The following AIDA variants were observed in gnomAD, a reference collection of about 807,000 sequenced individuals.
AIDA encodes axin interactor, dorsalization associated.
A neutral mutation model predicts 42.7 loss-of-function variants in AIDA; 18 were observed. The ratio of observed to expected loss-of-function variants is 0.42; its 90% CI spans 0.29 to 0.63. The LOEUF (loss-of-function observed/expected upper bound fraction) is 0.63. Among genes scored for constraint, AIDA ranks in the 20% least tolerant of loss-of-function variants. The probability of loss-of-function intolerance (pLI) is 0.19; values close to 1 mark genes in which losing one functional copy is unlikely to be tolerated. For missense variants in AIDA, 250 were observed against 354.1 expected (o/e 0.71, Z 2.36); for synonymous variants, 104 against 122.9 (o/e 0.85, Z 1.02).
intron 2 of AIDA, among the ~76,000 whole-genome samples, chr1:222,696,002 C>T (rs1655510731): frequency 6.6e-6 from 1 of 152,130 alleles, no homozygotes; most frequent in African/African-American, 2.4e-5. Context: ...CAACAACTCA[C>T]AAAATAAACC....
intron 6 of AIDA, among the ~76,000 whole-genome samples, chr1:222,679,176 A>G (rs190196660): frequency 3.3e-5 from 5 of 152,332 alleles, no homozygotes; most frequent in African/African-American, 1.2e-4. Flanking sequence ...ATACCACACC[A>G]TTCCAGGGTT....
At chr1:222,676,255 A>G (rs570163610) in intron 6 of AIDA, 37 bp from the exon 7 acceptor site, 4 of 1,578,212 alleles carry the variant, frequency 2.5e-6, no homozygotes, top group East Asian at 4.6e-5. Flanking sequence ...GCTCCATATC[A>G]TTTCACAGTA....
chr1:222,672,268 A>T (rs1664463203), intron 8 of AIDA, among the ~76,000 whole-genome samples: 1 of 152,208 alleles, frequency 6.6e-6, no homozygotes, highest in Non-Finnish European at 1.5e-5. Flanking sequence ...TTAGCCCATG[A>T]AACACTCCAC....
At position 222,712,228 on chromosome 1, in the gene AIDA, C is replaced by T. The variant is rs1428796276; in HGVS notation, c.90G>A (p.Glu30=). The T allele has an allele frequency of 3.1e-6, 5 of 1,602,432 alleles. No individual in the cohort carries two copies. Among genetic ancestry groups the T allele is most frequent in the Admixed American group, 1.7e-5 (1 of 59,216 alleles). ...ADFDSWGQLV[E]AIDEYQILAR... ...CTCACATCTGATACTCGTCTATCGC[C>T]TCCACCAGCTGGCCCCAAGAGTCGA... Residue 30 remains glutamate (E), a synonymous_variant, in exon 1 of 10, where the codon GAG becomes GAA. Transcript: ENST00000340020.
chr1:222,700,286 G>A (rs1028812917), intron 2 of AIDA, among the ~76,000 whole-genome samples: 8 of 152,144 alleles, frequency 5.3e-5, no homozygotes, highest in African/African-American at 1.4e-4. Flanking sequence ...TCAAAGTAGA[G>A]GACATGAGAA....
chr1:222,692,064 T>C (rs1655387932), intron 4 of AIDA, among the ~76,000 whole-genome samples: 3 of 152,226 alleles, frequency 2.0e-5, no homozygotes, highest in African/African-American at 2.4e-5. Context: ...TTCTGTAGGA[T>C]AGGTTTCCAT....
chr1:222,696,273 G>A (rs1183913323), intron 2 of AIDA, among the ~76,000 whole-genome samples: 1 of 152,142 alleles, frequency 6.6e-6, no homozygotes, highest in Admixed American at 6.6e-5. Flanking sequence ...TTTCTACGTA[G>A]AATCCAATAT....
At chr1:222,682,224 C>G (rs552600210) in intron 6 of AIDA, among the ~76,000 whole-genome samples, 4 of 151,994 alleles carry the variant, frequency 2.6e-5, no homozygotes, top group African/African-American at 4.8e-5. Flanking sequence ...GAAAATTTTT[C>G]TTTTGGTCCA....
In AIDA at chr1:222,669,723, G is replaced by A. The variant is rs1305775086; in HGVS notation, c.*170C>T. On this transcript the variant is annotated 3_prime_UTR_variant, in exon 10 of 10. Coordinates refer to ENST00000340020, the MANE Select transcript of AIDA (RefSeq NM_022831.4). ...AAGGAGTCCTATACGTCAGTGTGAT[G>A]TGCTGGACTCTGAATTCTGTGGTAC... is the stretch of plus-strand genomic sequence containing the variant. The A allele has an allele frequency of 1.1e-5, 9 of 791,438 alleles. No homozygotes were observed. Among genetic ancestry groups the A allele is most frequent in the South Asian group, 3.9e-5 (2 of 50,996 alleles). 49.0% of individuals were successfully genotyped at this position (791,438 alleles called of 1,614,324 possible).
intron 1 of AIDA, among the ~76,000 whole-genome samples, chr1:222,707,615 G>C (rs866802951): frequency 6.6e-6 from 1 of 152,110 alleles, no homozygotes; most frequent in African/African-American, 2.4e-5. Context: ...CATTCTATTA[G>C]GAAAAGTGAA....
intron 9 of AIDA, 30 bp downstream of exon 9, chr1:222,670,103 T>C: frequency 6.2e-7 from 1 of 1,609,484 alleles, no homozygotes; most frequent in Non-Finnish European, 8.5e-7. Flanking sequence ...ACCATCAAAT[T>C]AGTACTAATT....
At position 222,668,614 on chromosome 1, in the gene AIDA, A is replaced by C. The variant is rs1206631584; in HGVS notation, c.*1279T>G. 1 of 73,386 alleles carries C rather than the reference A, an allele frequency of 1.4e-5. No homozygotes were observed. The highest frequency in any genetic ancestry group is 2.7e-5 in the Non-Finnish European group (1 of 37,646). 4.5% of individuals were successfully genotyped at this position (73,386 alleles called of 1,614,324 possible). ...ACTTAGTTGTGGTTACTTATTTTAA[A>C]AAGCAAACATACTGAATGGTATGAC... On this transcript the variant is annotated 3_prime_UTR_variant, in exon 10 of 10. Coordinates refer to ENST00000340020, the MANE Select transcript of AIDA (RefSeq NM_022831.4).
rs951033157 is a variant in AIDA, at chr1:222,669,088, G to A, written c.*805C>T. The stretch of plus-strand genomic sequence containing the variant: ...GACTCAATTATTTTTAGATTACATT[G>A]TTTAGAAGACATTGTAAACCCATCT... On this transcript the variant is annotated 3_prime_UTR_variant, in exon 10 of 10. Transcript: ENST00000340020. 154 of 151,560 alleles carry A rather than the reference G, an allele frequency of 1.0e-3. No homozygotes were observed. The highest frequency in any genetic ancestry group is 3.2e-3 in the African/African-American group (130 of 41,262). The allele number at this position is 151,560 out of a possible 1,614,324, so 9.4% of individuals were successfully genotyped here.
intron 4 of AIDA, among the ~76,000 whole-genome samples, chr1:222,689,572 TATATATATACAC>T (rs1655311188): frequency 7.6e-6 from 1 of 131,052 alleles, no homozygotes; most frequent in African/African-American, 2.8e-5. Flanking sequence ...TATATATGTA[TATATATATACAC>T]ACACACACAC....
chr1:222,690,403 TA>T (rs917635847), intron 4 of AIDA, among the ~76,000 whole-genome samples: 2 of 152,242 alleles, frequency 1.3e-5, no homozygotes, highest in African/African-American at 4.8e-5. Context: ...GGTATGTATG[TA>T]ATTCAGTTTC....
At position 222,671,365 on chromosome 1, in the gene AIDA, T is replaced by C. The variant is rs573900867; in HGVS notation, c.707-1115A>G. Among the ~76,000 whole-genome samples the C allele has an allele frequency of 2.0e-5, 3 of 152,288 alleles. No homozygotes were observed. The South Asian group carries it at 6.2e-4, about 32-fold the overall frequency. ...CATCAATGTGGCCAACAAAAATGAA[T>C]TTCTAAAGAAGGCATGGAAAGTGAA... On this transcript the variant is annotated intron_variant, in intron 8 of 9. Transcript: ENST00000340020.
chr1:222,706,373 A>G (rs1655837552), intron 1 of AIDA, among the ~76,000 whole-genome samples: 1 of 152,204 alleles, frequency 6.6e-6, no homozygotes, highest in African/African-American at 2.4e-5. Flanking sequence ...TTGCATTTGA[A>G]TGTTCAGGGC....
chr1:222,699,589 A>G (rs907585711), intron 2 of AIDA, among the ~76,000 whole-genome samples: 1 of 152,172 alleles, frequency 6.6e-6, no homozygotes, highest in African/African-American at 2.4e-5. Context: ...TTCAAATAAC[A>G]TCTATTAATT....
intron 2 of AIDA, among the ~76,000 whole-genome samples, chr1:222,695,218 G>A (rs554417503): frequency 7.0e-4 from 106 of 152,282 alleles, no homozygotes; most frequent in African/African-American, 2.4e-3. Flanking sequence ...GTGGCCGGGC[G>A]TGGTAGCTCA....
Sources: allele counts gnomAD v4.1 joint callset (sites outside exome capture counted in the v4.1 genomes callset), GRCh38; gene constraint gnomAD v4.1.1; transcripts MANE v1.5; gene names NCBI Gene and HGNC (gene_info 2026-07-23, HGNC 2026-07-21).